Variants in CCDC201 observed in about 807,000 individuals in gnomAD.
CCDC201 encodes the protein coiled-coil domain-containing protein 201.
chr7:45,866,120 C>T, exon 2 of CCDC201: 1 of 194,768 alleles, frequency 5.1e-6, no homozygotes, highest in South Asian at 8.6e-5. Flanking sequence ...GTGCCCAGCT[C>T]TTTGCCCGGA....
rs1256527083 is a variant in CCDC201, at chr7:45,871,886, GAC to G, written c.18+1102_18+1103del. 2.0e-5 allele frequency among the ~76,000 whole-genome samples: 3 copies of G among 152,224 alleles called. No individual in the cohort carries two copies. In the South Asian group the frequency reaches 6.2e-4, roughly 32 times the overall value. On this transcript the variant is annotated intron_variant, in intron 1 of 2. Transcript: ENST00000636578. Reference sequence around the variant, plus strand: ...AAAATTTAGAAGTATGAAAACTTTAGACAACACAAGGAGGAAACTGGAACACC... The same window carrying G: ...AAAATTTAGAAGTATGAAAACTTTAGAACACAAGGAGGAAACTGGAACACC...
upstream of CCDC201, among the ~76,000 whole-genome samples, chr7:45,877,623 C>T (rs540007054): frequency 6.6e-6 from 1 of 152,250 alleles, no homozygotes; most frequent in Admixed American, 6.5e-5. Flanking sequence ...AGGTGCTATA[C>T]ACTTTCAAAC....
exon 3 of CCDC201, chr7:45,862,382 A>C (rs1408798545): frequency 6.6e-6 from 1 of 152,342 alleles, no homozygotes; most frequent in Non-Finnish European, 1.5e-5. Context: ...TTATCTGCAA[A>C]CATCCTGGGA....
At chr7:45,875,137 T>A (rs933648168), upstream of CCDC201, among the ~76,000 whole-genome samples, 3 of 152,190 alleles carry the variant, frequency 2.0e-5, no homozygotes, top group Middle Eastern at 3.4e-3. Context: ...ACAGAGAAGA[T>A]GTTTGTGATA....
At chr7:45,872,133 T>C (rs1786749495) in intron 1 of CCDC201, among the ~76,000 whole-genome samples, 1 of 152,268 alleles carries the variant, frequency 6.6e-6, no homozygotes, top group Non-Finnish European at 1.5e-5. Flanking sequence ...TTTGAAATTT[T>C]ATGCTCTTAT....
the CCDC201 span, among the ~76,000 whole-genome samples, chr7:45,878,474 A>G: frequency 6.6e-6 from 1 of 152,240 alleles, no homozygotes; most frequent in Admixed American, 6.5e-5. Context: ...AGAGGCTCCT[A>G]AGCCTCAACT....
chr7:45,866,938 T>C (rs909361475), intron 1 of CCDC201, among the ~76,000 whole-genome samples: 4 of 152,190 alleles, frequency 2.6e-5, no homozygotes, highest in Admixed American at 6.5e-5. Context: ...TGAAGCACAC[T>C]GGGCAGGTGG....
the CCDC201 span, among the ~76,000 whole-genome samples, chr7:45,884,247 A>G: frequency 3.9e-5 from 6 of 152,104 alleles, no homozygotes; most frequent in Non-Finnish European, 7.4e-5. Flanking sequence ...CTACAGTCAT[A>G]CACCACCATG....
At chr7:45,881,668 C>T in the CCDC201 span, among the ~76,000 whole-genome samples, 1 of 152,170 alleles carries the variant, frequency 6.6e-6, no homozygotes, top group Non-Finnish European at 1.5e-5. Flanking sequence ...ACGAAGAGCA[C>T]CTGCCCTATG....
chr7:45,872,011 C>T (rs993442264), intron 1 of CCDC201, among the ~76,000 whole-genome samples: 2 of 152,146 alleles, frequency 1.3e-5, no homozygotes, highest in African/African-American at 4.8e-5. Flanking sequence ...GACACCAACT[C>T]CCCTTCTAGA....
At chr7:45,868,953 A>G (rs1786711612) in intron 1 of CCDC201, among the ~76,000 whole-genome samples, 1 of 152,182 alleles carries the variant, frequency 6.6e-6, no homozygotes, top group Admixed American at 6.5e-5. Flanking sequence ...GCATATTTCC[A>G]TGTAAGCAAA....
exon 3 of CCDC201, chr7:45,861,264 G>A (rs991479012): frequency 6.6e-6 from 1 of 152,120 alleles, no homozygotes; most frequent in Admixed American, 6.5e-5. Flanking sequence ...GTGCAATATA[G>A]GCAGTTTTTT....
exon 3 of CCDC201, chr7:45,861,171 C>T (rs761372260): frequency 7.2e-5 from 11 of 152,060 alleles, no homozygotes; most frequent in Non-Finnish European, 1.5e-4. Context: ...AAACACAGAC[C>T]ACGGGAATAG....
chr7:45,872,623 C>T (rs552092559), intron 1 of CCDC201, among the ~76,000 whole-genome samples: 4 of 152,266 alleles, frequency 2.6e-5, no homozygotes, highest in South Asian at 2.1e-4. Context: ...TGAGATTGTG[C>T]GTGGGCTCTG....
the CCDC201 span, among the ~76,000 whole-genome samples, chr7:45,880,832 G>A: frequency 6.6e-6 from 1 of 152,202 alleles, no homozygotes; most frequent in African/African-American, 2.4e-5. Flanking sequence ...TCCATCCTGG[G>A]GTGGGAGAGG....
the CCDC201 span, among the ~76,000 whole-genome samples, chr7:45,883,817 T>G: frequency 6.6e-6 from 1 of 152,100 alleles, no homozygotes; most frequent in Non-Finnish European, 1.5e-5. Flanking sequence ...TTTTTCCCCC[T>G]CTACATCTTT....
the CCDC201 span, among the ~76,000 whole-genome samples, chr7:45,879,805 G>T: frequency 6.6e-6 from 1 of 152,202 alleles, no homozygotes; most frequent in East Asian, 1.9e-4. Flanking sequence ...ACTGTATCTG[G>T]CTGGGCACAG....
intron 1 of CCDC201, among the ~76,000 whole-genome samples, chr7:45,871,084 A>G (rs921856768): frequency 1.3e-5 from 2 of 152,250 alleles, no homozygotes; most frequent in African/African-American, 4.8e-5. Context: ...GTTTTCTGAT[A>G]AAATATTGTA....
chr7:45,883,576 T>C, the CCDC201 span, among the ~76,000 whole-genome samples: 1 of 152,102 alleles, frequency 6.6e-6, no homozygotes, highest in Non-Finnish European at 1.5e-5. Context: ...AAGCACACAG[T>C]TGTGCAGTTG....
Sources: gnomAD v4.1 joint callset for allele counts (sites outside exome capture counted in the v4.1 genomes callset) on GRCh38, gnomAD v4.1.1 for gene constraint, MANE v1.5 for transcripts, NCBI Gene and HGNC (gene_info 2026-07-23, HGNC 2026-07-21) for gene names.